FHIT: variants seen among roughly 807,000 people sequenced by gnomAD.
FHIT encodes fragile histidine triad diadenosine triphosphatase, also known as bis(5'-adenosyl)-triphosphatase.
FHIT carries 19 observed loss-of-function variants against 17.9 expected under a neutral mutation model. The ratio of observed to expected loss-of-function variants is 1.06; its 90% CI spans 0.74 to 1.56. The LOEUF (loss-of-function observed/expected upper bound fraction) is 1.56, where lower values mean the gene tolerates loss of function less well. Ranked by LOEUF, FHIT falls within the 40% of genes most tolerant of loss-of-function variation. FHIT has a pLI of 0.00. For synonymous variants in FHIT, 81 were observed against 69.7 expected, an observed-to-expected ratio of 1.16 and a Z score of -0.81; for missense variants, 248 against 189.2, an observed-to-expected ratio of 1.31 and a Z score of -1.82.
intron 1 of FHIT, among the ~76,000 whole-genome samples, chr3:61,233,245 TACACAC>T (rs145433582): frequency 6.6e-6 from 1 of 150,944 alleles, no homozygotes; most frequent in Non-Finnish European, 1.5e-5. Context: ...GAGATTTGTG[TACACAC>T]ACACACACAC....
At chr3:60,766,507 T>C (rs1019682737) in intron 4 of FHIT, among the ~76,000 whole-genome samples, 3 of 152,218 alleles carry the variant, frequency 2.0e-5, no homozygotes, top group African/African-American at 7.2e-5. Context: ...AAATTCTTCC[T>C]GTATAGAAGC....
rs530591303 is a variant in FHIT at position 60,185,268 on chromosome 3, G to A, written c.104-171116C>T. 9.9e-5 allele frequency among the ~76,000 whole-genome samples: 15 copies of A among 152,020 alleles called. No individual in the cohort carries two copies. In the East Asian group the frequency reaches 1.9e-3, roughly 20 times the overall value. ...CATGGTGTGGGGAAAAAAAAAAATC[G>A]CATGTTTCACCTATTAAACCTCACC... On this transcript the variant is annotated intron_variant, in intron 5 of 9. Transcript: ENST00000492590.
At chr3:60,967,135 T>G (rs1173519973) in intron 3 of FHIT, among the ~76,000 whole-genome samples, 2 of 152,210 alleles carry the variant, frequency 1.3e-5, no homozygotes, top group Non-Finnish European at 2.9e-5. Context: ...ATATTGTAAA[T>G]TGCTTTATTC....
At chr3:59,947,278 C>A (rs914538024) in intron 7 of FHIT, among the ~76,000 whole-genome samples, 1 of 152,086 alleles carries the variant, frequency 6.6e-6, no homozygotes, top group African/African-American at 2.4e-5. Context: ...ACTTCTTGTA[C>A]GTTTTCTAAT....
chr3:60,855,950 G>A (rs1703362056), intron 3 of FHIT, among the ~76,000 whole-genome samples: 1 of 152,044 alleles, frequency 6.6e-6, no homozygotes, highest in Non-Finnish European at 1.5e-5. Flanking sequence ...TGGAGTGTGA[G>A]AGTGTAAGCT....
At chr3:61,151,687 C>T (rs746036643) in intron 2 of FHIT, among the ~76,000 whole-genome samples, 12 of 151,440 alleles carry the variant, frequency 7.9e-5, no homozygotes, top group Non-Finnish European at 1.6e-4. Flanking sequence ...GATTCTCCTG[C>T]TTTAGCCATA....
At chr3:60,137,981 G>A (rs1049393146) in intron 5 of FHIT, among the ~76,000 whole-genome samples, 5 of 152,156 alleles carry the variant, frequency 3.3e-5, no homozygotes, top group African/African-American at 1.2e-4. Flanking sequence ...ACAGCATTAT[G>A]AATTACATGT....
intron 5 of FHIT, among the ~76,000 whole-genome samples, chr3:60,144,746 A>G (rs1036145032): frequency 2.0e-5 from 3 of 152,138 alleles, no homozygotes; most frequent in Non-Finnish European, 2.9e-5. Flanking sequence ...AAAACCTTCA[A>G]TAGCCTCTTT....
intron 4 of FHIT, among the ~76,000 whole-genome samples, chr3:60,620,261 C>G (rs1417232349): frequency 6.6e-6 from 1 of 152,236 alleles, no homozygotes; most frequent in South Asian, 2.1e-4. Context: ...ATGAAACGTA[C>G]TCTTACCATA....
chr3:60,330,938 C>T (rs1378919593), intron 5 of FHIT, among the ~76,000 whole-genome samples: 1 of 152,140 alleles, frequency 6.6e-6, no homozygotes, highest in African/African-American at 2.4e-5. Context: ...GTTCACATCC[C>T]TCAGTTCTTT....
chr3:61,189,782 T>C (rs1225407235), intron 2 of FHIT, among the ~76,000 whole-genome samples: 13 of 151,624 alleles, frequency 8.6e-5, no homozygotes, highest in Admixed American at 1.3e-4. Context: ...TAATGCCACA[T>C]ATCTACAACT....
intron 5 of FHIT, among the ~76,000 whole-genome samples, chr3:60,208,295 G>T (rs1451326126): frequency 1.3e-5 from 2 of 152,150 alleles, no homozygotes; most frequent in African/African-American, 4.8e-5. Flanking sequence ...ATTAAAAGAT[G>T]CAGGCTTTCA....
At chr3:60,010,263 G>A (rs1479872580) in intron 7 of FHIT, among the ~76,000 whole-genome samples, 1 of 152,204 alleles carries the variant, frequency 6.6e-6, no homozygotes, top group Non-Finnish European at 1.5e-5. Flanking sequence ...GAGACAGTGG[G>A]ACAGAGGAAA....
chr3:60,889,496 C>T (rs1368882878), intron 3 of FHIT, among the ~76,000 whole-genome samples: 1 of 152,216 alleles, frequency 6.6e-6, no homozygotes, highest in Non-Finnish European at 1.5e-5. Context: ...TTTTTAATAG[C>T]TACAATCTAT....
intron 5 of FHIT, among the ~76,000 whole-genome samples, chr3:60,446,127 CT>C (rs751545789): frequency 1.3e-5 from 2 of 152,040 alleles, no homozygotes; most frequent in Non-Finnish European, 2.9e-5. Context: ...CAATGGAGTT[CT>C]TGAGAGTCCT....
chr3:60,380,844 A>T (rs1234332845), intron 5 of FHIT, among the ~76,000 whole-genome samples: 1 of 152,212 alleles, frequency 6.6e-6, no homozygotes, highest in Non-Finnish European at 1.5e-5. Context: ...TAGCTGTCTG[A>T]TATCTTGGTC....
At chr3:60,295,225 C>A (rs1283753190) in intron 5 of FHIT, among the ~76,000 whole-genome samples, 1 of 152,002 alleles carries the variant, frequency 6.6e-6, no homozygotes, top group Admixed American at 6.6e-5. Context: ...ATAGCCACTG[C>A]ACTCCACCCT....
chr3:59,980,228 G>A (rs946611454), intron 7 of FHIT, among the ~76,000 whole-genome samples: 4 of 152,164 alleles, frequency 2.6e-5, no homozygotes, highest in Non-Finnish European at 5.9e-5. Flanking sequence ...GCATTGGCAT[G>A]AATGTTAATT....
intron 5 of FHIT, among the ~76,000 whole-genome samples, chr3:60,371,365 CTTT>C (rs56390367): frequency 6.7e-6 from 1 of 148,978 alleles, no homozygotes; most frequent in Non-Finnish European, 1.5e-5. Context: ...TTTCTTCTAG[CTTT>C]TTTTTTTAAG....
Sources: gnomAD v4.1 joint callset for allele counts (sites outside exome capture counted in the v4.1 genomes callset) on GRCh38, gnomAD v4.1.1 for gene constraint, MANE v1.5 for transcripts, NCBI Gene and HGNC (gene_info 2026-07-23, HGNC 2026-07-21) for gene names.